Variants in SH3PXD2A observed in about 807,000 individuals in gnomAD.
SH3PXD2A encodes the protein SH3 and PX domain-containing protein 2A.
Under a neutral mutation model 115.2 loss-of-function variants are expected in SH3PXD2A, and 32 were observed. That is an observed-to-expected ratio of 0.28 (90% CI 0.21 to 0.37). The LOEUF is 0.37. SH3PXD2A is among the 10% of genes least tolerant of loss of function. SH3PXD2A has a pLI of 1.00. For missense variants in SH3PXD2A, 1,328 were observed against 1,498.7 expected, an observed-to-expected ratio of 0.89 and a Z score of 1.88; for synonymous variants, 610 against 629.1, an observed-to-expected ratio of 0.97 and a Z score of 0.45.
intron 1 of SH3PXD2A, among the ~76,000 whole-genome samples, chr10:103,854,970 C>G (rs1842927006): frequency 6.6e-6 from 1 of 152,134 alleles, no homozygotes; most frequent in African/African-American, 2.4e-5. Flanking sequence ...AGCCACTTGC[C>G]AATTCCAATG....
chr10:103,826,671 C>T (rs1411610252), intron 1 of SH3PXD2A, among the ~76,000 whole-genome samples: 1 of 152,184 alleles, frequency 6.6e-6, no homozygotes, highest in African/African-American at 2.4e-5. Flanking sequence ...ATTTTAGAGC[C>T]GGGCACTTTG....
chr10:103,821,252 C>T (rs2039377192), intron 1 of SH3PXD2A, among the ~76,000 whole-genome samples: 1 of 150,878 alleles, frequency 6.6e-6, no homozygotes, highest in Non-Finnish European at 1.5e-5. Flanking sequence ...AAGCGATTCT[C>T]CTGCCTCAGC....
At chr10:103,739,529 C>T (rs1221290113) in intron 3 of SH3PXD2A, among the ~76,000 whole-genome samples, 1 of 152,092 alleles carries the variant, frequency 6.6e-6, no homozygotes, top group Non-Finnish European at 1.5e-5. Flanking sequence ...CCAAACCACA[C>T]TCTGAAAGCC....
rs1180799966 is a variant in SH3PXD2A, at chr10:103,597,461, C to G, written c.*4355G>C. 1 of 152,278 alleles carries G rather than the reference C, an allele frequency of 6.6e-6. No homozygotes were observed. Among genetic ancestry groups the G allele is most frequent in the African/African-American group, 2.4e-5 (1 of 41,456 alleles). 9.4% of individuals were successfully genotyped at this position (152,278 alleles called of 1,614,324 possible). A position where few individuals can be genotyped will look rare whatever the true frequency, so the allele number is the denominator to read the frequency against. On this transcript the variant is annotated 3_prime_UTR_variant, in exon 15 of 15. Coordinates refer to ENST00000369774, the MANE Select transcript of SH3PXD2A (RefSeq NM_001394015.1). ...CAGCTGGCTGCACCACAACAGAAAT[C>G]AAAACAAGGAACAGCTCCCGAGGGC... is the stretch of plus-strand genomic sequence containing the variant.
intron 13 of SH3PXD2A, among the ~76,000 whole-genome samples, chr10:103,606,757 G>A (rs1180830287): frequency 6.6e-6 from 1 of 152,162 alleles, no homozygotes; most frequent in Non-Finnish European, 1.5e-5. Flanking sequence ...TCGGCCTCCC[G>A]AGGTGCCGGG....
chr10:103,818,724 C>G (rs2039348333), intron 1 of SH3PXD2A, among the ~76,000 whole-genome samples: 1 of 152,202 alleles, frequency 6.6e-6, no homozygotes. Context: ...GGCTCACCTT[C>G]TCTGGAAACA....
chr10:103,652,925 G>A lies in SH3PXD2A; in HGVS notation c.604+8058C>T, dbSNP rs369739753. 1.2e-4 allele frequency among the ~76,000 whole-genome samples: 18 copies of A among 152,232 alleles called. No homozygotes were observed. In the East Asian group the frequency reaches 2.9e-3, roughly 25 times the overall value. On this transcript the variant is annotated intron_variant, in intron 8 of 14. Coordinates refer to ENST00000369774, the MANE Select transcript of SH3PXD2A (RefSeq NM_001394015.1). ...TACCTAGAATAATACTCCTTGGCCC[G>A]GCACCCGTCTCTGCCCTTGCTCACT...
intron 2 of SH3PXD2A, among the ~76,000 whole-genome samples, chr10:103,797,590 T>C (rs898057567): frequency 6.6e-6 from 1 of 151,948 alleles, no homozygotes; most frequent in Non-Finnish European, 1.5e-5. Context: ...AGGGCTGGTG[T>C]GTGCCTGAGA....
chr10:103,624,836 G>T (rs1162587167), intron 9 of SH3PXD2A, among the ~76,000 whole-genome samples: 1 of 152,188 alleles, frequency 6.6e-6, no homozygotes. Context: ...AGCAGCTGGG[G>T]CCTTAGGCCC....
At chr10:103,610,986 A>G (rs1236572222) in intron 13 of SH3PXD2A, among the ~76,000 whole-genome samples, 1 of 152,154 alleles carries the variant, frequency 6.6e-6, no homozygotes, top group Admixed American at 6.5e-5. Flanking sequence ...CCAGCATCGC[A>G]GGCACCCCAA....
At chr10:103,729,990 G>C (rs1320028829) in intron 4 of SH3PXD2A, among the ~76,000 whole-genome samples, 2 of 152,214 alleles carry the variant, frequency 1.3e-5, no homozygotes, top group African/African-American at 2.4e-5. Context: ...CCTCCACTCA[G>C]CTATGGTGAG....
intron 6 of SH3PXD2A, chr10:103,678,249 G>T: frequency 2.3e-6 from 2 of 855,580 alleles, no homozygotes; most frequent in Non-Finnish European, 3.4e-6. Context: ...CCCCTCCTCT[G>T]CGTGGGTCCA....
intron 4 of SH3PXD2A, among the ~76,000 whole-genome samples, chr10:103,730,581 T>A (rs1022862694): frequency 1.3e-5 from 2 of 152,212 alleles, no homozygotes; most frequent in African/African-American, 2.4e-5. Flanking sequence ...ATGTAAATGA[T>A]GTCTAATTCT....
chr10:103,617,378 C>T (rs1307282984), intron 10 of SH3PXD2A, 64 bp from the exon 11 acceptor site: 1 of 1,138,990 alleles, frequency 8.8e-7, no homozygotes, highest in Admixed American at 1.7e-5. Context: ...CTTCCTGTCC[C>T]CTCCTCCTGC....
intron 2 of SH3PXD2A, among the ~76,000 whole-genome samples, chr10:103,790,119 G>T (rs887771653): frequency 1.3e-5 from 2 of 151,894 alleles, no homozygotes; most frequent in Non-Finnish European, 2.9e-5. Context: ...GGCAACAGAA[G>T]CTTCCTGCCC....
chr10:103,692,003 A>T (rs920092268), intron 6 of SH3PXD2A, among the ~76,000 whole-genome samples: 1 of 152,154 alleles, frequency 6.6e-6, no homozygotes, highest in African/African-American at 2.4e-5. Flanking sequence ...ACCTATCCAC[A>T]GGCCAAGGCA....
At chr10:103,710,266 T>C (rs2038031833) in intron 5 of SH3PXD2A, among the ~76,000 whole-genome samples, 1 of 151,936 alleles carries the variant, frequency 6.6e-6, no homozygotes, top group Non-Finnish European at 1.5e-5. Flanking sequence ...TCACCTGTAG[T>C]TGGGAGGCTG....
At chr10:103,771,102 A>C (rs1253914455) in intron 2 of SH3PXD2A, among the ~76,000 whole-genome samples, 1 of 152,192 alleles carries the variant, frequency 6.6e-6, no homozygotes, top group Non-Finnish European at 1.5e-5. Flanking sequence ...ACACGCGCCC[A>C]GGTATGGAAC....
At chr10:103,782,841 A>AG (rs1263873980) in intron 2 of SH3PXD2A, among the ~76,000 whole-genome samples, 3 of 151,852 alleles carry the variant, frequency 2.0e-5, no homozygotes, top group Non-Finnish European at 4.4e-5. Context: ...AAAAAAAAAA[A>AG]AAAAAAAAGA....
Sources: allele counts gnomAD v4.1 joint callset (sites outside exome capture counted in the v4.1 genomes callset), GRCh38; gene constraint gnomAD v4.1.1; transcripts MANE v1.5; gene names NCBI Gene and HGNC (gene_info 2026-07-23, HGNC 2026-07-21).